Variants in ADAM22 observed in about 807,000 individuals in gnomAD.
The protein encoded by ADAM22 is ADAM metallopeptidase domain 22.
ADAM22 carries 65 observed loss-of-function variants against 144.6 expected under a neutral mutation model. The observed-to-expected ratio is 0.45, with a 90% CI of 0.37 to 0.55. ADAM22 has a LOEUF of 0.55. Among genes scored for constraint, ADAM22 ranks in the 20% least tolerant of loss-of-function variants. ADAM22 has a pLI of 0.00. For missense variants in ADAM22, 974 were observed against 1,184.9 expected, an observed-to-expected ratio of 0.82 and a Z score of 2.61; for synonymous variants, 391 against 412.6, an observed-to-expected ratio of 0.95 and a Z score of 0.63.
intron 3 of ADAM22, among the ~76,000 whole-genome samples, chr7:88,002,095 T>C (rs1792700984): frequency 6.6e-6 from 1 of 152,110 alleles, no homozygotes; most frequent in South Asian, 2.1e-4. Flanking sequence ...AATCTTTCAG[T>C]TGCAAATAAC....
intron 2 of ADAM22, among the ~76,000 whole-genome samples, chr7:87,945,799 C>G (rs1028436385): frequency 1.3e-5 from 2 of 152,156 alleles, no homozygotes; most frequent in African/African-American, 4.8e-5. Flanking sequence ...AGGCGTGAAC[C>G]ACCACGCCCG....
Position 88,100,160 on chromosome 7 carries a change from G to A in ADAM22, c.391-8016G>A, listed in dbSNP as rs117044355. ...TATACCATCTTTGCAACTTTTCTGTGTATCAGAATTATTCCAAAATAAGTC... is the reference window on the plus strand; with the variant it reads ...TATACCATCTTTGCAACTTTTCTGTATATCAGAATTATTCCAAAATAAGTC... On this transcript the variant is annotated intron_variant, in intron 4 of 31. Coordinates refer to ENST00000413139, the MANE Select transcript of ADAM22 (RefSeq NM_001324418.2). Among the ~76,000 whole-genome samples the A allele has an allele frequency of 9.3e-3, 1,413 of 152,182 alleles. 6 individuals are homozygous for A. The highest frequency in any genetic ancestry group is 0.016 in the Non-Finnish European group (1,097 of 67,982).
At chr7:88,130,354 T>G (rs749576914) in intron 9 of ADAM22, 34 bp from the exon 10 acceptor site, 2 of 1,568,060 alleles carry the variant, frequency 1.3e-6, no homozygotes, top group Non-Finnish European at 1.8e-6. Flanking sequence ...CTGATCACTT[T>G]GCAAGACCTT....
chr7:87,989,085 T>C (rs1789136966), intron 3 of ADAM22, among the ~76,000 whole-genome samples: 1 of 152,242 alleles, frequency 6.6e-6, no homozygotes, highest in Non-Finnish European at 1.5e-5. Context: ...TCAAGCTTTA[T>C]GCCTTAATCA....
In ADAM22 at chr7:88,193,150, A is replaced by G. The variant is rs760025405; in HGVS notation, c.2785A>G (p.Thr929Ala). Residue 929 changes from threonine to alanine, a missense_variant, in exon 31 of 32, where the codon ACT (threonine) becomes GCT (alanine). Thr to Ala is a moderately conservative substitution (Grantham distance 58, BLOSUM62 0). Around this residue, in one of 2 missense-constraint regions of ADAM22, gnomAD observed 734 missense variants for 950.6 expected, o/e 0.77. Coordinates refer to ENST00000413139, the MANE Select transcript of ADAM22 (RefSeq NM_001324418.2). The stretch of plus-strand genomic sequence containing the variant: ...TCCTGCCAAGTCTCCTTCTTCATCA[A>G]CTGGGTCTATTGCCTCCAGCAGAAA... ...LSPAKSPSSS[T>A]GSIASSRKYP... The G allele has an allele frequency of 5.0e-6, 8 of 1,613,970 alleles. No homozygotes were observed. The South Asian group carries it at 5.5e-5, about 11-fold the overall frequency.
intron 3 of ADAM22, among the ~76,000 whole-genome samples, chr7:88,057,370 C>G (rs1165002611): frequency 1.3e-5 from 2 of 152,128 alleles, no homozygotes; most frequent in Non-Finnish European, 2.9e-5. Flanking sequence ...AGTGTTTAGC[C>G]TGACTAATTA....
chr7:87,944,805 G>A (rs1843179722), intron 2 of ADAM22, among the ~76,000 whole-genome samples: 1 of 148,502 alleles, frequency 6.7e-6, no homozygotes, highest in Non-Finnish European at 1.5e-5. Flanking sequence ...GGTCTTTAAA[G>A]GGAAACTTGT....
chr7:88,045,049 C>G (rs1240055898), intron 3 of ADAM22, among the ~76,000 whole-genome samples: 2 of 149,234 alleles, frequency 1.3e-5, no homozygotes, highest in African/African-American at 5.0e-5. Context: ...CAAACTCTCG[C>G]TCTTGTTGCC....
At chr7:87,937,025 G>A (rs970190478) in intron 2 of ADAM22, among the ~76,000 whole-genome samples, 36 of 152,192 alleles carry the variant, frequency 2.4e-4, no homozygotes, top group African/African-American at 8.4e-4. Flanking sequence ...GCACGATTAT[G>A]GCTCACAGCA....
At chr7:88,142,024 GT>G (rs1330014786) in intron 14 of ADAM22, among the ~76,000 whole-genome samples, 1 of 151,568 alleles carries the variant, frequency 6.6e-6, no homozygotes, top group African/African-American at 2.4e-5. Context: ...CCTTTTATTA[GT>G]TTTTTTAAGA....
At chr7:88,028,472 G>A (rs954021360) in intron 3 of ADAM22, among the ~76,000 whole-genome samples, 1 of 152,094 alleles carries the variant, frequency 6.6e-6, no homozygotes, top group African/African-American at 2.4e-5. Flanking sequence ...TGGATGAAAT[G>A]TTCTGTAAAT....
At chr7:87,962,131 T>C (rs547468639) in intron 2 of ADAM22, among the ~76,000 whole-genome samples, 1 of 152,320 alleles carries the variant, frequency 6.6e-6, no homozygotes, top group South Asian at 2.1e-4. Flanking sequence ...GTAATGCATA[T>C]ACTGTTGAGA....
chr7:88,175,442 G>A (rs979381163), intron 26 of ADAM22, among the ~76,000 whole-genome samples: 1 of 152,068 alleles, frequency 6.6e-6, no homozygotes, highest in Non-Finnish European at 1.5e-5. Flanking sequence ...GGGATGTATC[G>A]ATTCAAAACA....
At chr7:87,959,039 A>G (rs950176761) in intron 2 of ADAM22, among the ~76,000 whole-genome samples, 1 of 152,000 alleles carries the variant, frequency 6.6e-6, no homozygotes, top group South Asian at 2.1e-4. Flanking sequence ...GTATTACTTT[A>G]TCACTGTGGA....
chr7:88,089,595 A>G (rs1490906226), intron 4 of ADAM22, among the ~76,000 whole-genome samples: 1 of 152,166 alleles, frequency 6.6e-6, no homozygotes, highest in Non-Finnish European at 1.5e-5. Flanking sequence ...TTTGAGAAAC[A>G]TGCTTTCTGT....
intron 3 of ADAM22, among the ~76,000 whole-genome samples, chr7:88,046,659 C>CT (rs1467938663): frequency 6.6e-6 from 1 of 152,128 alleles, no homozygotes; most frequent in Non-Finnish European, 1.5e-5. Context: ...TATCAGGAAG[C>CT]TTTTACCCTA....
At chr7:88,090,303 C>T (rs1488583525) in intron 4 of ADAM22, among the ~76,000 whole-genome samples, 1 of 152,164 alleles carries the variant, frequency 6.6e-6, no homozygotes, top group African/African-American at 2.4e-5. Flanking sequence ...GTGGCATGAG[C>T]ATGCAGGTAC....
chr7:88,104,755 C>T (rs1193591812), intron 4 of ADAM22, among the ~76,000 whole-genome samples: 2 of 151,918 alleles, frequency 1.3e-5, no homozygotes, highest in Non-Finnish European at 2.9e-5. Flanking sequence ...CATATACCAC[C>T]AGTTGAGACC....
At chr7:88,001,704 A>G (rs757238086) in intron 3 of ADAM22, among the ~76,000 whole-genome samples, 1 of 151,954 alleles carries the variant, frequency 6.6e-6, no homozygotes, top group Non-Finnish European at 1.5e-5. Flanking sequence ...CTGCCACTTC[A>G]TAACTTTGTT....
Sources: gnomAD v4.1 joint callset for allele counts (sites outside exome capture counted in the v4.1 genomes callset) on GRCh38, gnomAD v4.1.1 for gene constraint, gnomAD v4.1.1 regional missense constraint, MANE v1.5 for transcripts, NCBI Gene and HGNC (gene_info 2026-07-23, HGNC 2026-07-21) for gene names.